PCDHA5: variants seen among roughly 807,000 people sequenced by gnomAD.
PCDHA5 encodes protocadherin alpha 5.
PCDHA5 carries 43 observed loss-of-function variants against 61.6 expected under a neutral mutation model. That is an observed-to-expected ratio of 0.70 (90% CI 0.55 to 0.90). PCDHA5 has a LOEUF of 0.90. Ranked by LOEUF, PCDHA5 falls within the 40% of genes least tolerant of loss-of-function variation. The pLI, the probability that PCDHA5 is intolerant of heterozygous loss-of-function variation, is 0.00. For synonymous variants in PCDHA5, 627 were observed against 543.9 expected (o/e 1.15, Z -2.13); for missense variants, 1,298 against 1,222.7 (o/e 1.06, Z -0.92).
In PCDHA5 at chr5:140,978,971, G is replaced by C. The variant is rs782774245; in HGVS notation, c.2375G>C (p.Trp792Ser). Residue 792 changes from tryptophan (W) to serine (S), a missense_variant, in exon 2 of 4, where the codon TGG (tryptophan) becomes TCG (serine). Trp to Ser is a radical substitution (Grantham distance 177). Transcript: ENST00000529859. ...CAGCCACGACAGCCCAACCCTGACT[G>C]GCGTTACTCTGCCTCCCTGAGAGCA... is the stretch of plus-strand genomic sequence containing the variant. ...TDNPRQPNPD[W>S]RYSASLRAGM... 6.2e-7 allele frequency: 1 copy of C among 1,614,170 alleles called. No homozygotes were observed. The highest frequency in any genetic ancestry group is 2.2e-5 in the East Asian group (1 of 44,882).
intron 1 of PCDHA5, chr5:140,882,304 G>A (rs1046715245): frequency 1.2e-6 from 2 of 1,613,750 alleles, no homozygotes; most frequent in Non-Finnish European, 1.7e-6. Context: ...CAAGACCGCG[G>A]CAACTACTGC....
intron 1 of PCDHA5, chr5:140,851,535 G>T: frequency 1.1e-6 from 1 of 904,912 alleles, no homozygotes. Flanking sequence ...TGACAATGTA[G>T]ATAATTCAAG....
intron 1 of PCDHA5, among the ~76,000 whole-genome samples, chr5:140,886,245 A>G (rs1241977297): frequency 6.6e-6 from 1 of 152,046 alleles, no homozygotes; most frequent in Non-Finnish European, 1.5e-5. Context: ...GAAATAAATA[A>G]AAGTATCTCT....
chr5:140,822,892 G>T lies in PCDHA5; in HGVS notation c.1117G>T (p.Val373Leu), dbSNP rs2150120154. The change falls in exon 1 of 4, where the codon GTG (valine) becomes TTG (leucine). Residue 373 changes from valine to leucine, a missense_variant. By Grantham distance (32) the Val-to-Leu change is conservative (BLOSUM62 1). Transcript: ENST00000529859. ...CAGCACGGTCATTGCTCTGATCAGC[G>T]TGTCTGACCGTGACTCAGGTGCCAA... ...PLSTVIALIS[V>L]SDRDSGANGQ... is the part of the protein sequence containing the mutation. 1.2e-6 allele frequency: 2 copies of T among 1,614,212 alleles called. No homozygotes were observed. The highest frequency in any genetic ancestry group is 4.5e-5 in the East Asian group (2 of 44,882).
intron 1 of PCDHA5, among the ~76,000 whole-genome samples, chr5:140,912,146 T>G (rs1248730371): frequency 6.6e-6 from 1 of 152,202 alleles, no homozygotes; most frequent in Admixed American, 6.5e-5. Flanking sequence ...CATGTTCTTC[T>G]GCCTGTTTTT....
At chr5:140,875,707 C>T in intron 1 of PCDHA5, 1 of 1,614,166 alleles carries the variant, frequency 6.2e-7, no homozygotes. Flanking sequence ...GGAGGTAAAT[C>T]TGCAGAATGG....
At chr5:140,830,407 T>G in intron 1 of PCDHA5, 24 of 1,614,170 alleles carry the variant, frequency 1.5e-5, no homozygotes, top group Non-Finnish European at 2.0e-5. Context: ...TCATGGCCTT[T>G]AGCCCCAGCC....
chr5:140,962,288 A>G (rs1310558261), intron 1 of PCDHA5, among the ~76,000 whole-genome samples: 2 of 152,192 alleles, frequency 1.3e-5, no homozygotes, highest in African/African-American at 4.8e-5. Flanking sequence ...TCAACCTTTA[A>G]TATTCTATGA....
Position 141,010,042 on chromosome 5 carries a change from T to C in PCDHA5, c.*105T>C. 6.3e-7 allele frequency: 1 copy of C among 1,594,374 alleles called. No homozygotes were observed. The highest frequency in any genetic ancestry group is 8.5e-7 in the Non-Finnish European group (1 of 1,171,086). ...TTTTTCCTATCTACATGAGCCCTCT[T>C]AGAGACCTCAGAAATCTGCAGAAAG... On this transcript the variant is annotated 3_prime_UTR_variant, in exon 4 of 4. Transcript: ENST00000529859.
At chr5:140,871,451 A>T in intron 1 of PCDHA5, 1 of 1,608,630 alleles carries the variant, frequency 6.2e-7, no homozygotes, top group Non-Finnish European at 8.5e-7. Context: ...AATAAAGAGG[A>T]GGAAGGGGAA....
At chr5:140,999,837 A>G (rs2097878885) in intron 3 of PCDHA5, among the ~76,000 whole-genome samples, 2 of 152,206 alleles carry the variant, frequency 1.3e-5, no homozygotes, top group South Asian at 2.1e-4. Flanking sequence ...AAATATGCCA[A>G]GTGTATTTAT....
rs2150355650 is a variant in PCDHA5 at position 140,843,239 on chromosome 5, G to A, written c.2352+19112G>A. 1.4e-4 allele frequency: 219 copies of A among 1,595,896 alleles called. 23 individuals carry two copies. Among genetic ancestry groups the A allele is most frequent in the Non-Finnish European group, 1.8e-4 (209 of 1,165,556 alleles). On this transcript the variant is annotated intron_variant, in intron 1 of 3. Coordinates refer to ENST00000529859, the MANE Select transcript of PCDHA5 (RefSeq NM_018908.3). ...CAGCACCACTCGTGTCCTGGACGAA[G>A]CGGACTCTCCGCGCCACCGTCTGCT... is the stretch of plus-strand genomic sequence containing the variant.
chr5:140,855,629 G>A (rs914411692), intron 1 of PCDHA5, among the ~76,000 whole-genome samples: 2 of 149,486 alleles, frequency 1.3e-5, no homozygotes, highest in Non-Finnish European at 3.0e-5. Flanking sequence ...TTTGAAATTC[G>A]GCTATTGATA....
At chr5:140,839,084 T>G (rs2150294627) in intron 1 of PCDHA5, among the ~76,000 whole-genome samples, 9 of 152,164 alleles carry the variant, frequency 5.9e-5, no homozygotes, top group South Asian at 2.1e-4. Context: ...AAAACCTGTC[T>G]GATAATCAAT....
chr5:140,862,447 G>C, intron 1 of PCDHA5: 1 of 362,296 alleles, frequency 2.8e-6, no homozygotes, highest in Non-Finnish European at 5.5e-6. Flanking sequence ...GTACTCCACA[G>C]CGCCCTGGAC....
rs80062832 is a variant in PCDHA5 at position 140,889,250 on chromosome 5, C to T, written c.2352+65123C>T. ...AAAACTTCCAGAAAATTTTCTGTTT[C>T]CTGTAAAAGTTTGTATAATCTTTGA... On this transcript the variant is annotated intron_variant, in intron 1 of 3. Transcript: ENST00000529859. Among the ~76,000 whole-genome samples, 79 of 151,798 alleles carry T rather than the reference C, an allele frequency of 5.2e-4. No homozygotes were observed. In the East Asian group the frequency reaches 0.014, roughly 27 times the overall value.
chr5:140,875,192 C>A, intron 1 of PCDHA5: 2 of 509,100 alleles, frequency 3.9e-6, no homozygotes, highest in Non-Finnish European at 6.3e-6. Context: ...AAGAGTGACC[C>A]AGGAAGTGGC....
intron 1 of PCDHA5, among the ~76,000 whole-genome samples, chr5:140,894,025 A>G (rs1473023847): frequency 1.3e-5 from 2 of 152,232 alleles, no homozygotes; most frequent in Admixed American, 6.5e-5. Flanking sequence ...CCAGTTCTGC[A>G]TACTGGTAAT....
chr5:140,829,372 G>A (rs1770256415), intron 1 of PCDHA5: 2 of 1,614,208 alleles, frequency 1.2e-6, no homozygotes, highest in South Asian at 2.2e-5. Context: ...TGGTAACCGC[G>A]CGGGACGGGG....
Sources: allele counts gnomAD v4.1 joint callset (sites outside exome capture counted in the v4.1 genomes callset), GRCh38; gene constraint gnomAD v4.1.1; transcripts MANE v1.5; gene names NCBI Gene and HGNC (gene_info 2026-07-23, HGNC 2026-07-21).